TMTC2: variants seen among roughly 807,000 people sequenced by gnomAD.
TMTC2 encodes the protein protein O-mannosyl-transferase TMTC2.
A neutral mutation model predicts 82.4 loss-of-function variants in TMTC2; 43 were observed. The observed-to-expected ratio is 0.52, with a 90% CI of 0.41 to 0.67. The LOEUF (loss-of-function observed/expected upper bound fraction) is 0.67, where lower values mean the gene tolerates loss of function less well. Among genes scored for constraint, TMTC2 ranks in the 30% least tolerant of loss-of-function variants. The probability of loss-of-function intolerance (pLI) is 0.00; values close to 1 mark genes in which losing one functional copy is unlikely to be tolerated. For missense variants in TMTC2, 919 were observed against 1,012.4 expected (o/e 0.91, Z 1.25); for synonymous variants, 408 against 381.9 (o/e 1.07, Z -0.80).
chr12:83,047,560 G>A (rs563969648), intron 9 of TMTC2, among the ~76,000 whole-genome samples: 1 of 152,238 alleles, frequency 6.6e-6, no homozygotes, highest in African/African-American at 2.4e-5. Context: ...ACTAATGTGG[G>A]ACTATTGAGA....
At chr12:83,029,994 G>A (rs768422620) in intron 8 of TMTC2, among the ~76,000 whole-genome samples, 1 of 152,106 alleles carries the variant, frequency 6.6e-6, no homozygotes, top group Non-Finnish European at 1.5e-5. Flanking sequence ...AGTGATTGCA[G>A]CAAGGATAAA....
chr12:83,025,473 C>T (rs1881124962), intron 8 of TMTC2, among the ~76,000 whole-genome samples: 3 of 151,846 alleles, frequency 2.0e-5, no homozygotes, highest in Admixed American at 6.6e-5. Context: ...TACTCTCAAC[C>T]TAAAACACTT....
At chr12:82,979,816 G>C (rs1878841905) in intron 7 of TMTC2, among the ~76,000 whole-genome samples, 1 of 151,604 alleles carries the variant, frequency 6.6e-6, no homozygotes, top group Non-Finnish European at 1.5e-5. Flanking sequence ...TTTTGTCTGG[G>C]ACAGTCTATT....
At chr12:82,767,993 T>C (rs1168611316) in intron 1 of TMTC2, among the ~76,000 whole-genome samples, 1 of 152,150 alleles carries the variant, frequency 6.6e-6, no homozygotes, top group Non-Finnish European at 1.5e-5. Context: ...CAAAAGTTTG[T>C]TTTTCTCCAT....
At chr12:82,864,181 A>G (rs1295987696) in intron 2 of TMTC2, among the ~76,000 whole-genome samples, 1 of 152,202 alleles carries the variant, frequency 6.6e-6, no homozygotes, top group Non-Finnish European at 1.5e-5. Flanking sequence ...AAAATGAGTC[A>G]GGTAGGGTAG....
chr12:82,893,502 G>A (rs927541363), intron 2 of TMTC2, among the ~76,000 whole-genome samples: 2 of 152,046 alleles, frequency 1.3e-5, no homozygotes, highest in Non-Finnish European at 2.9e-5. Flanking sequence ...CATTTGACAA[G>A]GATGTTTTTA....
intron 8 of TMTC2, chr12:82,986,493 G>T: frequency 6.4e-6 from 1 of 156,066 alleles, no homozygotes; most frequent in Non-Finnish European, 1.4e-5. Context: ...TCCCAAATAT[G>T]GAATTACATA....
intron 1 of TMTC2, among the ~76,000 whole-genome samples, chr12:82,771,129 C>A (rs1056915313): frequency 6.6e-6 from 1 of 151,428 alleles, no homozygotes; most frequent in Admixed American, 6.6e-5. Flanking sequence ...ATTGTTTGAA[C>A]CTTGGAGGCA....
At chr12:82,775,849 T>C (rs1877564392) in intron 1 of TMTC2, among the ~76,000 whole-genome samples, 1 of 152,138 alleles carries the variant, frequency 6.6e-6, no homozygotes. Context: ...AGTTTCCTTT[T>C]ATGCTTCGTT....
At position 82,712,322 on chromosome 12, in the gene TMTC2, C is replaced by T. The variant is rs796441334; in HGVS notation, c.83+24653C>T. Among the ~76,000 whole-genome samples, 9 of 150,090 alleles carry T rather than the reference C, an allele frequency of 6.0e-5. 1 individual carries two copies. Among genetic ancestry groups the T allele is most frequent in the African/African-American group, 1.7e-4 (7 of 40,784 alleles). ...GCACGCGCCTGTAATCCCAGCTACT[C>T]GGGAGGCTGAGGTAGGAGAATTGCT... On this transcript the variant is annotated intron_variant, in intron 1 of 11. Coordinates refer to ENST00000321196, the MANE Select transcript of TMTC2 (RefSeq NM_152588.3).
chr12:82,958,996 G>A (rs1877770226), intron 4 of TMTC2, among the ~76,000 whole-genome samples: 1 of 152,048 alleles, frequency 6.6e-6, no homozygotes, highest in Admixed American at 6.6e-5. Flanking sequence ...TACAAAAATT[G>A]ATGTAAAACA....
chr12:83,074,033 T>C (rs937065696), intron 11 of TMTC2, among the ~76,000 whole-genome samples: 5 of 152,166 alleles, frequency 3.3e-5, no homozygotes, highest in African/African-American at 4.8e-5. Context: ...AGTGTGATTT[T>C]TGAGGGGTGT....
intron 8 of TMTC2, among the ~76,000 whole-genome samples, chr12:83,017,598 C>A (rs778291299): frequency 6.6e-6 from 1 of 152,064 alleles, no homozygotes; most frequent in African/African-American, 2.4e-5. Flanking sequence ...CACTGCTTTC[C>A]CCAGTCTTAG....
chr12:82,960,183 A>G (rs1877852272), intron 4 of TMTC2, among the ~76,000 whole-genome samples: 1 of 151,944 alleles, frequency 6.6e-6, no homozygotes, highest in African/African-American at 2.4e-5. Context: ...TGCTGGTGAG[A>G]CAATGAAGAA....
At chr12:82,848,642 A>G (rs953196770) in intron 1 of TMTC2, among the ~76,000 whole-genome samples, 10 of 152,174 alleles carry the variant, frequency 6.6e-5, no homozygotes, top group African/African-American at 1.2e-4. Flanking sequence ...TTATTGGGCA[A>G]TGATTTTCAA....
At chr12:83,054,182 G>A (rs978519815) in intron 10 of TMTC2, among the ~76,000 whole-genome samples, 3 of 152,160 alleles carry the variant, frequency 2.0e-5, no homozygotes, top group East Asian at 1.9e-4. Flanking sequence ...GGTTCAATGA[G>A]TGAGAAGTAA....
chr12:82,695,045 T>A (rs1872725758), intron 1 of TMTC2, among the ~76,000 whole-genome samples: 1 of 152,236 alleles, frequency 6.6e-6, no homozygotes, highest in Non-Finnish European at 1.5e-5. Context: ...AAAGGATGTG[T>A]TATTTGCTGA....
chr12:82,754,388 A>C (rs2136970651), intron 1 of TMTC2, among the ~76,000 whole-genome samples: 1 of 152,322 alleles, frequency 6.6e-6, no homozygotes, highest in African/African-American at 2.4e-5. Context: ...TTATTTATAT[A>C]ACAAAACTTT....
intron 2 of TMTC2, among the ~76,000 whole-genome samples, chr12:82,859,243 T>A (rs557142648): frequency 2.6e-5 from 4 of 152,172 alleles, no homozygotes; most frequent in African/African-American, 9.6e-5. Context: ...AATTTTTGTA[T>A]TTTTAGTAGA....
Sources: gnomAD v4.1 joint callset for allele counts (sites outside exome capture counted in the v4.1 genomes callset) on GRCh38, gnomAD v4.1.1 for gene constraint, MANE v1.5 for transcripts, NCBI Gene and HGNC (gene_info 2026-07-23, HGNC 2026-07-21) for gene names.